The following CDH20 variants were observed in gnomAD, a reference collection of about 807,000 sequenced individuals.
CDH20 encodes cadherin-20.
CDH20 carries 29 observed loss-of-function variants against 74.2 expected under a neutral mutation model. That is an observed-to-expected ratio of 0.39 (90% CI 0.29 to 0.53). CDH20 has a LOEUF of 0.53. Ranked by LOEUF, CDH20 falls within the 20% of genes least tolerant of loss-of-function variation. CDH20 has a pLI of 0.69. For synonymous variants in CDH20, 469 were observed against 405.4 expected (o/e 1.16, Z -1.88); for missense variants, 988 against 1,048.3 (o/e 0.94, Z 0.79).
Position 61,538,620 on chromosome 18 carries a change from G to GTTT in CDH20, c.1409-402_1409-400dup, listed in dbSNP as rs746315637. ...TGTTTTTGTTTTTGTTTTTGTTTTT[G>GTTT]TTTTGTTTTTTTTTTTGAGACGGAG... On this transcript the variant is annotated intron_variant, in intron 8 of 11. Coordinates refer to ENST00000262717, the MANE Select transcript of CDH20 (RefSeq NM_031891.4). Among the ~76,000 whole-genome samples the GTTT allele has an allele frequency of 2.3e-3, 97 of 41,552 alleles. 9 individuals carry two copies. Among genetic ancestry groups the GTTT allele is most frequent in the Non-Finnish European group, 3.5e-3 (71 of 20,010 alleles). 27.3% of individuals were successfully genotyped at this position (41,552 alleles called of 152,430 possible). A position where few individuals can be genotyped will look rare whatever the true frequency, so the allele number is the denominator to read the frequency against.
At chr18:61,541,386 A>C (rs2144397343) in intron 9 of CDH20, among the ~76,000 whole-genome samples, 1 of 152,222 alleles carries the variant, frequency 6.6e-6, no homozygotes, top group African/African-American at 2.4e-5. Flanking sequence ...GAGGGTGATA[A>C]GTAGCAGAGT....
At chr18:61,448,938 T>C (rs959063032) in intron 1 of CDH20, among the ~76,000 whole-genome samples, 1 of 152,196 alleles carries the variant, frequency 6.6e-6, no homozygotes, top group African/African-American at 2.4e-5. Flanking sequence ...GACTGAGAAA[T>C]GAAAGCATAT....
chr18:61,393,812 A>G (rs532143301), intron 1 of CDH20, among the ~76,000 whole-genome samples: 1 of 152,300 alleles, frequency 6.6e-6, no homozygotes, highest in East Asian at 1.9e-4. Flanking sequence ...GTTTGACATA[A>G]TAGAAAATGG....
At chr18:61,541,216 GT>G (rs1913023188) in intron 9 of CDH20, among the ~76,000 whole-genome samples, 1 of 152,026 alleles carries the variant, frequency 6.6e-6, no homozygotes, top group African/African-American at 2.4e-5. Flanking sequence ...TATAATTACT[GT>G]GCTAAGGTAG....
At chr18:61,342,109 G>A (rs1294265164) in intron 1 of CDH20, among the ~76,000 whole-genome samples, 2 of 152,032 alleles carry the variant, frequency 1.3e-5, no homozygotes, top group African/African-American at 4.8e-5. Context: ...AAATTGTTTC[G>A]AGTTGTTTCT....
At position 61,555,502 on chromosome 18, in the gene CDH20, G is replaced by A; in HGVS notation, c.*807G>A. ...ATGTCTCTTCCATGTGCCAAATGTGGAGATTAGATGCTACAAATGAAAGCC... is the reference window on the plus strand; with the variant it reads ...ATGTCTCTTCCATGTGCCAAATGTGAAGATTAGATGCTACAAATGAAAGCC... On this transcript the variant is annotated 3_prime_UTR_variant, in exon 12 of 12. Transcript: ENST00000262717. 1.0e-6 allele frequency: 1 copy of A among 985,390 alleles called. No individual in the cohort carries two copies. The highest frequency in any genetic ancestry group is 1.2e-6 in the Non-Finnish European group (1 of 829,922). 61.0% of individuals were successfully genotyped at this position (985,390 alleles called of 1,614,324 possible). A position where few individuals can be genotyped will look rare whatever the true frequency, so the allele number is the denominator to read the frequency against.
In CDH20 at chr18:61,502,967, G is replaced by A; in HGVS notation, c.676G>A (p.Ala226Thr). Residue 226 changes from alanine to threonine, a missense_variant, in exon 5 of 12, where the codon GCG becomes ACG. Around this residue, in one of 2 missense-constraint regions of CDH20, gnomAD observed 613 missense variants for 755.2 expected, o/e 0.81. Transcript: ENST00000262717. ...VDSKTGVIRT[A>T]LMNMDREAKE... ...CTATCCTCCAGGTGTAATTAGGACA[G>A]CGCTCATGAACATGGACAGAGAAGC... 1 of 1,611,980 alleles carries A rather than the reference G, an allele frequency of 6.2e-7. No individual in the cohort carries two copies. Among genetic ancestry groups the A allele is most frequent in the Non-Finnish European group, 8.5e-7 (1 of 1,179,218 alleles).
chr18:61,512,834 G>A (rs1911835480), intron 6 of CDH20, among the ~76,000 whole-genome samples: 1 of 152,038 alleles, frequency 6.6e-6, no homozygotes, highest in African/African-American at 2.4e-5. Flanking sequence ...TCTTAATCCT[G>A]AGTTCTAGTT....
chr18:61,431,642 T>C (rs974721245), intron 1 of CDH20, among the ~76,000 whole-genome samples: 2 of 149,328 alleles, frequency 1.3e-5, no homozygotes, highest in Admixed American at 6.8e-5. Context: ...GCCTACCATA[T>C]ATAGTTCAAT....
At chr18:61,509,255 T>C (rs1234173274) in intron 6 of CDH20, among the ~76,000 whole-genome samples, 1 of 152,196 alleles carries the variant, frequency 6.6e-6, no homozygotes, top group East Asian at 1.9e-4. Context: ...ATTGGGTGAT[T>C]GGGACTGGTG....
intron 6 of CDH20, among the ~76,000 whole-genome samples, chr18:61,507,985 T>C (rs1025753541): frequency 7.2e-5 from 11 of 152,170 alleles, no homozygotes; most frequent in African/African-American, 2.7e-4. Context: ...TGCAAGGGTT[T>C]TTTAATTGCT....
At chr18:61,453,092 C>T (rs927429976) in intron 1 of CDH20, among the ~76,000 whole-genome samples, 2 of 151,996 alleles carry the variant, frequency 1.3e-5, no homozygotes, top group Non-Finnish European at 2.9e-5. Context: ...TGATATAGTC[C>T]AGATACAAAA....
At chr18:61,392,787 T>TAA (rs78892459) in intron 1 of CDH20, among the ~76,000 whole-genome samples, 378 of 132,412 alleles carry the variant, frequency 2.9e-3, no homozygotes, top group African/African-American at 5.6e-3. Context: ...ATTACTATGG[T>TAA]AAAAAAAAAA....
intron 1 of CDH20, among the ~76,000 whole-genome samples, chr18:61,428,522 C>T (rs568752962): frequency 4.6e-5 from 7 of 152,250 alleles, no homozygotes; most frequent in Admixed American, 3.3e-4. Context: ...GAGGGTCTTG[C>T]TGTTGGGTCA....
Position 61,371,331 on chromosome 18 carries a change from G to T in CDH20, c.-153+37504G>T, listed in dbSNP as rs535334812. Among the ~76,000 whole-genome samples, 82 of 152,084 alleles carry T rather than the reference G, an allele frequency of 5.4e-4. 1 individual carries two copies. The South Asian group carries it at 0.016, about 30-fold the overall frequency. ...TTTCCTACTGAACAAAAAATTAACT[G>T]GTGATGATGAAATGGTATCTGTCTT... On this transcript the variant is annotated intron_variant, in intron 1 of 11. Coordinates refer to ENST00000262717, the MANE Select transcript of CDH20 (RefSeq NM_031891.4).
chr18:61,387,416 G>A (rs968975269), intron 1 of CDH20, among the ~76,000 whole-genome samples: 9 of 152,134 alleles, frequency 5.9e-5, no homozygotes, highest in Admixed American at 2.0e-4. Context: ...CATGGTACTC[G>A]TTCCTGATTA....
chr18:61,389,212 A>G lies in CDH20; in HGVS notation c.-153+55385A>G, dbSNP rs535028947. ...ACCTTTCATACGAAGAAAATATCCAATGGTTTAAAAGGATTGAAAACCACT... is the reference window on the plus strand; with the variant it reads ...ACCTTTCATACGAAGAAAATATCCAGTGGTTTAAAAGGATTGAAAACCACT... On this transcript the variant is annotated intron_variant, in intron 1 of 11. Coordinates refer to ENST00000262717, the MANE Select transcript of CDH20 (RefSeq NM_031891.4). 4.6e-5 allele frequency among the ~76,000 whole-genome samples: 7 copies of G among 152,280 alleles called. No individual in the cohort carries two copies. In the East Asian group the frequency reaches 1.2e-3, roughly 25 times the overall value.
intron 6 of CDH20, among the ~76,000 whole-genome samples, chr18:61,514,957 G>T (rs1215188897): frequency 3.3e-5 from 5 of 151,320 alleles, no homozygotes; most frequent in Non-Finnish European, 5.9e-5. Context: ...CTTTTTGTTT[G>T]TCTGTGCCCT....
intron 10 of CDH20, among the ~76,000 whole-genome samples, chr18:61,545,393 C>T (rs544927345): frequency 6.6e-6 from 1 of 151,874 alleles, no homozygotes; most frequent in African/African-American, 2.4e-5. Context: ...CAGACATGAG[C>T]CACCGTGCCC....
Sources: allele counts gnomAD v4.1 joint callset (sites outside exome capture counted in the v4.1 genomes callset), GRCh38; gene constraint gnomAD v4.1.1; regional missense constraint gnomAD v4.1.1; transcripts MANE v1.5; gene names NCBI Gene and HGNC (gene_info 2026-07-23, HGNC 2026-07-21).